Variants in SLC35D4 observed in about 807,000 individuals in gnomAD.
SLC35D4 encodes the protein UDP-N-acetylglucosamine transporter SLC35D4.
At chr18:23,372,710 C>A in the SLC35D4 span, among the ~76,000 whole-genome samples, 2 of 152,150 alleles carry the variant, frequency 1.3e-5, no homozygotes, top group African/African-American at 4.8e-5. Flanking sequence ...GCTTCAGAGC[C>A]CCCTGTATCT....
chr18:23,289,852 T>C, the SLC35D4 span, among the ~76,000 whole-genome samples: 2 of 152,186 alleles, frequency 1.3e-5, no homozygotes, highest in Non-Finnish European at 2.9e-5. Flanking sequence ...GAGCACCTTG[T>C]GACCCCCACT....
At chr18:23,437,908 G>A in the SLC35D4 span, 5 of 1,551,976 alleles carry the variant, frequency 3.2e-6, no homozygotes, top group Middle Eastern at 1.7e-4. Context: ...TCCCCTGGCC[G>A]CCGCCCGACC....
At chr18:23,273,504 G>A in the SLC35D4 span, among the ~76,000 whole-genome samples, 3 of 152,186 alleles carry the variant, frequency 2.0e-5, no homozygotes, top group East Asian at 5.8e-4. Flanking sequence ...GTGGAGACAC[G>A]GAAAGTGAAC....
chr18:23,315,742 G>A, the SLC35D4 span, among the ~76,000 whole-genome samples: 1 of 152,142 alleles, frequency 6.6e-6, no homozygotes, highest in Non-Finnish European at 1.5e-5. Context: ...TCACAGAGCG[G>A]ATCTAAGCCT....
chr18:23,352,158 C>A, the SLC35D4 span: 2 of 1,558,496 alleles, frequency 1.3e-6, no homozygotes, highest in South Asian at 1.2e-5. Context: ...GATACACAGG[C>A]TCTTGAGAGA....
the SLC35D4 span, among the ~76,000 whole-genome samples, chr18:23,376,459 T>A: frequency 6.6e-6 from 1 of 152,220 alleles, no homozygotes; most frequent in East Asian, 1.9e-4. Context: ...GACACTTCTC[T>A]ACCTCAGCCT....
the SLC35D4 span, among the ~76,000 whole-genome samples, chr18:23,433,953 A>T: frequency 6.6e-6 from 1 of 152,182 alleles, no homozygotes; most frequent in Admixed American, 6.5e-5. Flanking sequence ...CAATATGCTC[A>T]TAATAGAATA....
chr18:23,308,848 TTCTCTCTC>T, the SLC35D4 span, among the ~76,000 whole-genome samples: 23 of 140,270 alleles, frequency 1.6e-4, no homozygotes, highest in South Asian at 4.8e-4. Flanking sequence ...AGCACGTGTT[TTCTCTCTC>T]TCTCTCTCTC....
At chr18:23,290,497 C>G in the SLC35D4 span, among the ~76,000 whole-genome samples, 1 of 152,202 alleles carries the variant, frequency 6.6e-6, no homozygotes, top group Non-Finnish European at 1.5e-5. Flanking sequence ...AGACTATATG[C>G]TAAGTGGGTG....
the SLC35D4 span, chr18:23,421,349 A>G: frequency 1.2e-6 from 2 of 1,606,962 alleles, no homozygotes; most frequent in Non-Finnish European, 1.7e-6. Context: ...GCATGAGTCC[A>G]GCATAGAGAG....
At chr18:23,370,339 A>C in the SLC35D4 span, 2 of 1,452,140 alleles carry the variant, frequency 1.4e-6, no homozygotes, top group Non-Finnish European at 9.5e-7. Context: ...GACACACAAA[A>C]TCCACATGGA....
the SLC35D4 span, among the ~76,000 whole-genome samples, chr18:23,264,098 C>T: frequency 6.6e-6 from 1 of 152,220 alleles, no homozygotes; most frequent in African/African-American, 2.4e-5. Flanking sequence ...GGATTGTTCC[C>T]TGCAACTCTG....
chr18:23,351,402 G>A, the SLC35D4 span, among the ~76,000 whole-genome samples: 179 of 140,358 alleles, frequency 1.3e-3, no homozygotes, highest in Admixed American at 4.1e-3. Flanking sequence ...GTAAGACCCT[G>A]TCTCAAAACA....
the SLC35D4 span, among the ~76,000 whole-genome samples, chr18:23,355,841 A>G: frequency 6.6e-6 from 1 of 152,194 alleles, no homozygotes; most frequent in African/African-American, 2.4e-5. Flanking sequence ...AGACCCAAAG[A>G]TCATACAATT....
the SLC35D4 span, among the ~76,000 whole-genome samples, chr18:23,336,608 T>C: frequency 2.0e-5 from 3 of 152,268 alleles, no homozygotes; most frequent in East Asian, 3.9e-4. Flanking sequence ...TATGAAGGTG[T>C]TGAATAACAA....
chr18:23,304,233 C>T, the SLC35D4 span, among the ~76,000 whole-genome samples: 3 of 146,388 alleles, frequency 2.0e-5, no homozygotes, highest in Non-Finnish European at 3.0e-5. Flanking sequence ...GCCGAGATTG[C>T]GCCACTGCAC....
At chr18:23,358,980 C>G in the SLC35D4 span, among the ~76,000 whole-genome samples, 1 of 152,142 alleles carries the variant, frequency 6.6e-6, no homozygotes, top group African/African-American at 2.4e-5. Flanking sequence ...CAGCGTGTGG[C>G]TGGCTGGCCC....
chr18:23,292,368 T>C, the SLC35D4 span, among the ~76,000 whole-genome samples: 2 of 152,176 alleles, frequency 1.3e-5, no homozygotes, highest in African/African-American at 4.8e-5. Context: ...GCAGTGCCAT[T>C]TCCCCAGTGC....
the SLC35D4 span, among the ~76,000 whole-genome samples, chr18:23,395,810 TTAC>T: frequency 6.6e-6 from 1 of 152,192 alleles, no homozygotes; most frequent in Non-Finnish European, 1.5e-5. Context: ...CACTGTGACC[TTAC>T]TCAGTGTAGG....
Sources: allele counts gnomAD v4.1 joint callset (sites outside exome capture counted in the v4.1 genomes callset), GRCh38; gene constraint gnomAD v4.1.1; transcripts MANE v1.5; gene names NCBI Gene and HGNC (gene_info 2026-07-23, HGNC 2026-07-21).